The following HDAC8 variants were observed in gnomAD, a reference collection of about 807,000 sequenced individuals.
HDAC8 encodes histone deacetylase 8.
Under a neutral mutation model 32.2 loss-of-function variants are expected in HDAC8, and 1 was observed. That is an observed-to-expected ratio of 0.03 (90% confidence interval 0.01 to 0.15). The LOEUF (loss-of-function observed/expected upper bound fraction) is 0.15, where lower values mean the gene tolerates loss of function less well. Among genes scored for constraint, HDAC8 ranks in the 10% least tolerant of loss-of-function variants. The pLI is 1.00. For synonymous variants in HDAC8, 108 were observed against 113.9 expected, an observed-to-expected ratio of 0.95 and a Z score of 0.33; for missense variants, 117 against 300.0, an observed-to-expected ratio of 0.39 and a Z score of 4.51.
chrX:72,550,201 C>T (rs149744408), intron 4 of HDAC8, among the ~76,000 whole-genome samples: 2 of 111,095 alleles, frequency 1.8e-5, no homozygotes, highest in Non-Finnish European at 3.8e-5. Flanking sequence ...GGTTAAGAAC[C>T]ACTGACTTAA....
intron 9 of HDAC8, among the ~76,000 whole-genome samples, chrX:72,446,121 G>C (rs782731060): frequency 8.9e-6 from 1 of 112,492 alleles, no homozygotes; most frequent in South Asian, 3.7e-4. Flanking sequence ...GTGGAAGTCA[G>C]TGTGGTGATT....
chrX:72,517,510 A>G (rs782106580), intron 4 of HDAC8, among the ~76,000 whole-genome samples: 1 of 111,339 alleles, frequency 9.0e-6, no homozygotes, highest in African/African-American at 3.3e-5. Flanking sequence ...GCCTCACCCA[A>G]GGTCATGAAG....
At chrX:72,531,552 A>G (rs908494533) in intron 4 of HDAC8, among the ~76,000 whole-genome samples, 1 of 111,683 alleles carries the variant, frequency 9.0e-6, no homozygotes, top group African/African-American at 3.3e-5. Context: ...TATCCATCAC[A>G]ACCAATTTTA....
chrX:72,513,582 C>T (rs1871336769), intron 4 of HDAC8, among the ~76,000 whole-genome samples: 1 of 111,128 alleles, frequency 9.0e-6, no homozygotes, highest in Middle Eastern at 4.7e-3. Context: ...CCTGCCTTAG[C>T]CTCCCAAAAT....
At chrX:72,413,733 T>C (rs868930652) in intron 9 of HDAC8, among the ~76,000 whole-genome samples, 6 of 111,335 alleles carry the variant, frequency 5.4e-5, no homozygotes, top group African/African-American at 1.6e-4. Flanking sequence ...GTCATTCTTC[T>C]CCTTCCTGCT....
intron 10 of HDAC8, among the ~76,000 whole-genome samples, chrX:72,345,061 C>T (rs1456451867): frequency 1.8e-5 from 2 of 111,709 alleles, no homozygotes; most frequent in African/African-American, 6.5e-5. Context: ...CAAATCCTCC[C>T]TAACCTAGAT....
At chrX:72,370,370 T>C (rs868906859) in intron 9 of HDAC8, among the ~76,000 whole-genome samples, 3 of 111,920 alleles carry the variant, frequency 2.7e-5, no homozygotes, top group Non-Finnish European at 5.6e-5. Flanking sequence ...CAGAACTACA[T>C]GGTTTTTTGA....
intron 9 of HDAC8, among the ~76,000 whole-genome samples, chrX:72,361,684 A>C (rs1444100244): frequency 1.9e-5 from 2 of 107,705 alleles, no homozygotes; most frequent in Non-Finnish European, 3.8e-5. Context: ...CTAGGTGCTA[A>C]GCATCATTCT....
chrX:72,488,801 C>A, intron 7 of HDAC8, 132 bp downstream of exon 7: 1 of 363,223 alleles, frequency 2.8e-6, no homozygotes. Context: ...GCATAATGAC[C>A]AGTATACAAA....
In HDAC8 at chrX:72,402,413, C is replaced by CT. The variant is rs77739404; in HGVS notation, c.1006-50576dup. Among the ~76,000 whole-genome samples, 194 of 68,069 alleles carry CT rather than the reference C, an allele frequency of 2.9e-3. 4 individuals carry two copies. The South Asian group carries it at 0.036, about 13-fold the overall frequency. The allele number at this position is 68,069 out of a possible 115,157, so 59.1% of individuals were successfully genotyped here. ...TGCTTTGGGTTTAGTGTGTTCTTTT[C>CT]TTTTTTTTTTTTTTTTAAGTTTCTT... On this transcript the variant is annotated intron_variant, in intron 9 of 10. Coordinates refer to ENST00000373573, the MANE Select transcript of HDAC8 (RefSeq NM_018486.3).
chrX:72,443,063 T>A lies in HDAC8; in HGVS notation c.1005+18941A>T, dbSNP rs781866094. ...AGTCCTGAGTGACCTACAAAGAGAC[T>A]TAGACTCCCACACAATAATAATGGG... On this transcript the variant is annotated intron_variant, in intron 9 of 10. Transcript: ENST00000373573. Among the ~76,000 whole-genome samples the A allele has an allele frequency of 5.5e-3, 596 of 108,015 alleles. 4 individuals are homozygous for A. The highest frequency in any genetic ancestry group is 0.019 in the African/African-American group (575 of 29,601). The allele number at this position is 108,015 out of a possible 115,157, so 93.8% of individuals were successfully genotyped here.
At chrX:72,488,252 A>G (rs1221335169) in intron 7 of HDAC8, among the ~76,000 whole-genome samples, 1 of 111,301 alleles carries the variant, frequency 9.0e-6, no homozygotes, top group Non-Finnish European at 1.9e-5. Context: ...ACCTTCAGTA[A>G]TGTTGACTGG....
chrX:72,451,535 G>C (rs944914561), intron 9 of HDAC8, among the ~76,000 whole-genome samples: 27 of 112,117 alleles, frequency 2.4e-4, no homozygotes, highest in African/African-American at 8.4e-4. Flanking sequence ...AATTTATAAA[G>C]GTAGCCAGAG....
chrX:72,474,517 C>T, intron 7 of HDAC8: 1 of 1,081,611 alleles, frequency 9.2e-7, no homozygotes, highest in Non-Finnish European at 1.2e-6. Flanking sequence ...ATCTCTTATC[C>T]AGAAAGGAGG....
chrX:72,492,137 A>G (rs930587913), intron 5 of HDAC8, among the ~76,000 whole-genome samples: 1 of 112,355 alleles, frequency 8.9e-6, no homozygotes, highest in Non-Finnish European at 1.9e-5. Flanking sequence ...ATTTCAACTT[A>G]GAAATGAAGT....
At chrX:72,480,238 T>A (rs1398463548) in intron 7 of HDAC8, among the ~76,000 whole-genome samples, 1 of 112,778 alleles carries the variant, frequency 8.9e-6, no homozygotes, top group African/African-American at 3.2e-5. Flanking sequence ...CAGCTTCTGT[T>A]ACCTTAATCA....
At chrX:72,350,527 T>C (rs1201055003) in intron 10 of HDAC8, among the ~76,000 whole-genome samples, 1 of 111,748 alleles carries the variant, frequency 8.9e-6, no homozygotes, top group Non-Finnish European at 1.9e-5. Context: ...GAACTGGTGC[T>C]ATCTTGGTCA....
chrX:72,538,520 T>A (rs782598073), intron 4 of HDAC8, among the ~76,000 whole-genome samples: 1 of 111,324 alleles, frequency 9.0e-6, no homozygotes, highest in South Asian at 3.9e-4. Flanking sequence ...CACTGAAAAA[T>A]TAGGACTCTT....
At position 72,329,882 on chromosome X, in the gene HDAC8, C is replaced by T. The variant is rs1032520618; in HGVS notation, c.*172G>A. On this transcript the variant is annotated 3_prime_UTR_variant, in exon 11 of 11. Coordinates refer to ENST00000373573, the MANE Select transcript of HDAC8 (RefSeq NM_018486.3). ...CAGTTGAGGACTCTGGGGTGCCTGC[C>T]TCTTCACCCCAGGAAGCCAGCTGCC... 2.5e-6 allele frequency: 2 copies of T among 787,356 alleles called. No homozygotes were observed. The highest frequency in any genetic ancestry group is 6.8e-5 in the East Asian group (2 of 29,369). The allele number at this position is 787,356 out of a possible 1,213,427, so 64.9% of individuals were successfully genotyped here.
Sources: gnomAD v4.1 joint callset for allele counts (sites outside exome capture counted in the v4.1 genomes callset) on GRCh38, gnomAD v4.1.1 for gene constraint, MANE v1.5 for transcripts, NCBI Gene and HGNC (gene_info 2026-07-23, HGNC 2026-07-21) for gene names.